Variants in ACSF3 observed in about 807,000 individuals in gnomAD.
ACSF3 encodes the protein acyl-CoA synthetase family member 3.
Under a neutral mutation model 53.2 loss-of-function variants are expected in ACSF3, and 78 were observed. The observed-to-expected ratio is 1.47, with a 90% CI of 1.22 to 1.77. ACSF3 has a LOEUF of 1.77. ACSF3 is among the 40% of genes most tolerant of loss of function. The pLI is 0.00. For missense variants in ACSF3, 937 were observed against 771.1 expected (o/e 1.22, Z -2.55); for synonymous variants, 414 against 333.1 (o/e 1.24, Z -2.65).
chr16:89,120,338 G>A (rs780338201), intron 6 of ACSF3, among the ~76,000 whole-genome samples: 7 of 152,220 alleles, frequency 4.6e-5, no homozygotes, highest in South Asian at 2.1e-4. Context: ...GCCTTAGCCC[G>A]TCGTGTGCCG....
chr16:89,107,894 G>T (rs1052581186), intron 4 of ACSF3, among the ~76,000 whole-genome samples: 3 of 152,152 alleles, frequency 2.0e-5, no homozygotes, highest in Non-Finnish European at 4.4e-5. Context: ...ATTAGTCCGT[G>T]TGCACACTAC....
chr16:89,120,584 C>T (rs1906386155), intron 6 of ACSF3, among the ~76,000 whole-genome samples: 2 of 152,236 alleles, frequency 1.3e-5, no homozygotes, highest in Admixed American at 1.3e-4. Flanking sequence ...TCGGCTGGGC[C>T]TGAGCACACC....
At chr16:89,143,920 A>G (rs992055756) in intron 8 of ACSF3, among the ~76,000 whole-genome samples, 2 of 152,218 alleles carry the variant, frequency 1.3e-5, no homozygotes, top group African/African-American at 4.8e-5. Context: ...AGCATGATGT[A>G]TAATGAAGTA....
At chr16:89,116,384 G>C (rs186482541) in intron 6 of ACSF3, among the ~76,000 whole-genome samples, 148 of 152,318 alleles carry the variant, frequency 9.7e-4, no homozygotes, top group African/African-American at 3.2e-3. Flanking sequence ...GCAGGGACCA[G>C]CTGGTGCCAG....
chr16:89,140,648 C>G lies in ACSF3; in HGVS notation c.1367-4619C>G, dbSNP rs538103955. ...TCCAGGCTCGGGAACCACATCTGCA[C>G]AGCAGAACAGGCGCTGTTCTTATCT... On this transcript the variant is annotated intron_variant, in intron 8 of 10. Coordinates refer to ENST00000614302, the MANE Select transcript of ACSF3 (RefSeq NM_001243279.3). Among the ~76,000 whole-genome samples, 45 of 152,338 alleles carry G rather than the reference C, an allele frequency of 3.0e-4. 1 individual carries two copies. In the South Asian group the frequency reaches 8.7e-3, roughly 29 times the overall value.
intron 7 of ACSF3, among the ~76,000 whole-genome samples, chr16:89,131,127 C>CTTTTTTTTTTTTTTTT (rs558773398): frequency 7.2e-5 from 5 of 69,562 alleles, no homozygotes; most frequent in African/African-American, 2.3e-4. Context: ...TTTTCTTTTT[C>CTTTTTTTTTTTTTTTT]TTTTTTTTTT....
At chr16:89,102,866 T>TG in intron 4 of ACSF3, 107 bp downstream of exon 4, 2 of 1,507,956 alleles carry the variant, frequency 1.3e-6, no homozygotes, top group Non-Finnish European at 1.8e-6. Context: ...TTTCGCTGGT[T>TG]GGGGTCAGGG....
chr16:89,100,581 G>T, intron 2 of ACSF3, 81 bp from the exon 3 acceptor site: 1 of 1,361,816 alleles, frequency 7.3e-7, no homozygotes, highest in East Asian at 2.4e-5. Flanking sequence ...CTGGGTACTG[G>T]GGAGGTGTTT....
chr16:89,149,261 A>G (rs1913670658), intron 10 of ACSF3: 1 of 152,204 alleles, frequency 6.6e-6, no homozygotes, highest in Non-Finnish European at 1.5e-5. Context: ...GAGCTCTCCA[A>G]ATCGTTCCAG....
rs752658068 is a variant in ACSF3, at chr16:89,120,947, G to A, written c.1239+34G>A. The A allele has an allele frequency of 2.1e-5, 33 of 1,590,196 alleles. 1 individual carries two copies. The highest frequency in any genetic ancestry group is 1.7e-4 in the Middle Eastern group (1 of 6,000). On this transcript the variant is annotated intron_variant, in intron 7 of 10. Transcript: ENST00000614302. ...CTCTGCTCTTGGCAGGTGGGCGGCCGTGTGTCCAGTCTAGGCCCCCCAGGG... is the reference window on the plus strand; with the variant it reads ...CTCTGCTCTTGGCAGGTGGGCGGCCATGTGTCCAGTCTAGGCCCCCCAGGG...
intron 7 of ACSF3, among the ~76,000 whole-genome samples, chr16:89,131,135 T>C (rs1384347377): frequency 7.8e-4 from 103 of 131,632 alleles, no homozygotes; most frequent in Non-Finnish European, 1.2e-3. Context: ...TTCTTTTTTT[T>C]TTTTTTTTTT....
chr16:89,112,023 G>T lies in ACSF3; in HGVS notation c.823-69G>T, dbSNP rs550942794. ...GAACCATGAGAACGCTGTGCCTGGA[G>T]CCAGGAGCCTCCGCCACGGGCCCCA... is the stretch of plus-strand genomic sequence containing the variant. On this transcript the variant is annotated intron_variant, in intron 4 of 10. Coordinates refer to ENST00000614302, the MANE Select transcript of ACSF3 (RefSeq NM_001243279.3). 3.2e-3 allele frequency: 494 copies of T among 154,648 alleles called. 1 individual carries two copies. In the African/African-American group the frequency reaches 0.035, roughly 11 times the overall value. The allele number at this position is 154,648 out of a possible 1,614,324, so 9.6% of individuals were successfully genotyped here.
intron 8 of ACSF3, chr16:89,141,145 C>A (rs765802385): frequency 7.8e-7 from 1 of 1,287,136 alleles, no homozygotes; most frequent in Non-Finnish European, 1.0e-6. Context: ...GCGGGGTGTC[C>A]GACCCGCTCT....
chr16:89,122,374 G>A (rs2151483336), intron 7 of ACSF3: 1 of 445,776 alleles, frequency 2.2e-6, no homozygotes, highest in Non-Finnish European at 4.5e-6. Flanking sequence ...CCCTCTGTAG[G>A]GCCCCAGCCC....
rs1197775854 is a variant in ACSF3, at chr16:89,101,152, C to CT, written c.471_472insT (p.Pro158SerfsTer112). On this transcript the variant is annotated frameshift_variant, in exon 3 of 11. Coordinates refer to ENST00000614302, the MANE Select transcript of ACSF3 (RefSeq NM_001243279.3). LOFTEE classifies it high-confidence loss of function. ...GCCAGGAGTACCTGGAGCTCCTGAG[C>CT]CCGGTGGTCAGGAAGCTGGGGGTCC... 8 of 1,613,582 alleles carry CT rather than the reference C, an allele frequency of 5.0e-6. No individual in the cohort carries two copies. The highest frequency in any genetic ancestry group is 1.3e-5 in the African/African-American group (1 of 74,924).
rs956834678 is a variant in ACSF3 at position 89,108,573 on chromosome 16, C to T, written c.823-3519C>T. The stretch of plus-strand genomic sequence containing the variant: ...CCCCATTCCCAGCCCCTGGCAACCA[C>T]GAATCTGCTTTCTGCCTCTAGGATT... On this transcript the variant is annotated intron_variant, in intron 4 of 10. Transcript: ENST00000614302. 3.9e-5 allele frequency among the ~76,000 whole-genome samples: 6 copies of T among 152,308 alleles called. No individual in the cohort carries two copies. The East Asian group carries it at 7.7e-4, about 20-fold the overall frequency.
At chr16:89,145,033 C>G (rs1278713968) in intron 8 of ACSF3, 1 of 1,157,856 alleles carries the variant, frequency 8.6e-7, no homozygotes, top group Non-Finnish European at 1.2e-6. Flanking sequence ...GAAGGGCAGA[C>G]CCCACATCAT....
At chr16:89,141,089 C>T (rs1202046553) in intron 8 of ACSF3, 1 of 1,286,044 alleles carries the variant, frequency 7.8e-7, no homozygotes, top group Non-Finnish European at 1.0e-6. Flanking sequence ...GCCCTGGAGC[C>T]CTCTGAACCT....
In ACSF3 at chr16:89,154,499, C is replaced by T. The variant is rs988171628; in HGVS notation, c.*292C>T. Reference sequence around the variant, plus strand: ...CTGGCCCCACGTGCTGAGGCACCTCCCGCCCCACAGTGCCCTGCAGTTGCC... The same window carrying T: ...CTGGCCCCACGTGCTGAGGCACCTCTCGCCCCACAGTGCCCTGCAGTTGCC... On this transcript the variant is annotated 3_prime_UTR_variant, in exon 11 of 11. Coordinates refer to ENST00000614302, the MANE Select transcript of ACSF3 (RefSeq NM_001243279.3). 1 of 571,800 alleles carries T rather than the reference C, an allele frequency of 1.7e-6. No homozygotes were observed. The highest frequency in any genetic ancestry group is 4.0e-5 in the East Asian group (1 of 25,212). The allele number at this position is 571,800 out of a possible 1,614,324, so 35.4% of individuals were successfully genotyped here. A position where few individuals can be genotyped will look rare whatever the true frequency, so the allele number is the denominator to read the frequency against.
Sources: gnomAD v4.1 joint callset for allele counts (sites outside exome capture counted in the v4.1 genomes callset) on GRCh38, gnomAD v4.1.1 for gene constraint, MANE v1.5 for transcripts, NCBI Gene and HGNC (gene_info 2026-07-23, HGNC 2026-07-21) for gene names.